CELF1: variants seen among roughly 807,000 people sequenced by gnomAD.
CELF1 encodes 50 kDa nuclear polyadenylated RNA-binding protein.
CELF1 carries 10 observed loss-of-function variants against 61.8 expected under a neutral mutation model. The observed-to-expected ratio is 0.16, with a 90% CI of 0.10 to 0.27. The LOEUF (loss-of-function observed/expected upper bound fraction) is 0.27, where lower values mean the gene tolerates loss of function less well. Ranked by LOEUF, CELF1 falls within the 10% of genes least tolerant of loss-of-function variation. The pLI, the probability that CELF1 is intolerant of heterozygous loss-of-function variation, is 1.00. For synonymous variants in CELF1, 236 were observed against 225.1 expected (o/e 1.05, Z -0.43); for missense variants, 380 against 639.1 (o/e 0.59, Z 4.37).
Position 47,513,111 on chromosome 11 carries a change from A to G in CELF1, c.-153-12179T>C, listed in dbSNP as rs144748249. On this transcript the variant is annotated intron_variant, in intron 1 of 14. Coordinates refer to ENST00000687097, the MANE Select transcript of CELF1 (RefSeq NM_001376376.1). ...GACTAACACTAGGTCATCTAAAACT[A>G]TAATTGTATTTTCTCTAAACAAGTT... Among the ~76,000 whole-genome samples, 102 of 152,346 alleles carry G rather than the reference A, an allele frequency of 6.7e-4. 1 individual carries two copies. The highest frequency in any genetic ancestry group is 2.4e-3 in the African/African-American group (98 of 41,572).
intron 3 of CELF1, among the ~76,000 whole-genome samples, chr11:47,499,063 A>G (rs967709606): frequency 6.6e-6 from 1 of 152,196 alleles, no homozygotes; most frequent in Admixed American, 6.5e-5. Context: ...CAGTAATTTA[A>G]AATAATAAAA....
chr11:47,473,295 G>T, intron 13 of CELF1, 64 bp from the exon 14 acceptor site: 1 of 1,455,980 alleles, frequency 6.9e-7, no homozygotes, highest in East Asian at 2.3e-5. Flanking sequence ...CTGCACCAGT[G>T]ATCTTTCATT....
chr11:47,501,669 A>C (rs1046524834), intron 1 of CELF1, among the ~76,000 whole-genome samples: 16 of 152,036 alleles, frequency 1.1e-4, no homozygotes, highest in African/African-American at 3.9e-4. Context: ...TATCAAAAAA[A>C]AAAATTAGCT....
intron 1 of CELF1, among the ~76,000 whole-genome samples, chr11:47,526,070 C>G (rs1286729751): frequency 2.0e-5 from 3 of 151,836 alleles, no homozygotes; most frequent in African/African-American, 7.3e-5. Context: ...TAGCTCACGT[C>G]TGTAATCCCA....
At chr11:47,499,765 A>C in intron 2 of CELF1, 161 bp from the exon 3 acceptor site, 1 of 497,716 alleles carries the variant, frequency 2.0e-6, no homozygotes, top group South Asian at 2.6e-5. Flanking sequence ...GCACACAATG[A>C]AAGTGCTGAT....
chr11:47,517,535 C>A (rs555830437), intron 1 of CELF1, among the ~76,000 whole-genome samples: 5 of 152,256 alleles, frequency 3.3e-5, no homozygotes, highest in African/African-American at 1.2e-4. Context: ...AGGAATTACA[C>A]ATGGCTTGTA....
chr11:47,538,256 G>A (rs1352059106), intron 1 of CELF1, among the ~76,000 whole-genome samples: 2 of 152,108 alleles, frequency 1.3e-5, no homozygotes, highest in African/African-American at 4.8e-5. Context: ...TTTGATCTCT[G>A]ATATCAAATA....
At chr11:47,529,584 A>T (rs908257518) in intron 1 of CELF1, among the ~76,000 whole-genome samples, 29 of 151,888 alleles carry the variant, frequency 1.9e-4, no homozygotes, top group Non-Finnish European at 3.2e-4. Flanking sequence ...ATTTGAACCC[A>T]GGAAGTGGAG....
intron 2 of CELF1, among the ~76,000 whole-genome samples, chr11:47,558,193 G>A (rs996139862): frequency 1.3e-5 from 2 of 151,808 alleles, no homozygotes; most frequent in East Asian, 3.9e-4. Context: ...ACATTCAGGC[G>A]GTGCTGCGAG....
At chr11:47,494,528 G>A (rs1295178659) in intron 3 of CELF1, 14 of 975,856 alleles carry the variant, frequency 1.4e-5, no homozygotes, top group Non-Finnish European at 1.3e-5. Context: ...GTATGTATTT[G>A]TTCAAAATTC....
intron 1 of CELF1, among the ~76,000 whole-genome samples, chr11:47,543,381 G>A (rs1237120604): frequency 1.3e-5 from 2 of 152,144 alleles, no homozygotes; most frequent in African/African-American, 2.4e-5. Context: ...TCCAGCCTGA[G>A]TGACACAATG....
intron 1 of CELF1, among the ~76,000 whole-genome samples, 179 bp downstream of exon 1, chr11:47,552,813 C>T (rs556318513): frequency 1.7e-4 from 26 of 152,266 alleles, no homozygotes; most frequent in African/African-American, 5.8e-4. Flanking sequence ...CCGGGGACCC[C>T]GACATGCAGG....
intron 9 of CELF1, 109 bp downstream of exon 9, chr11:47,482,586 C>A: frequency 9.6e-7 from 1 of 1,038,714 alleles, no homozygotes. Context: ...CATATAATTT[C>A]TATATGCCAA....
At chr11:47,528,249 C>T (rs1369989655) in intron 1 of CELF1, among the ~76,000 whole-genome samples, 1 of 152,044 alleles carries the variant, frequency 6.6e-6, no homozygotes, top group Non-Finnish European at 1.5e-5. Flanking sequence ...CCCTTATTTC[C>T]TCAAGAGAAA....
Position 47,469,260 on chromosome 11 carries a change from G to C in CELF1, c.*2970C>G, listed in dbSNP as rs1040456092. ...GAAGCAGAAGATGCTGGCTGGGGTG[G>C]GGAAAATTTTTCAGGGAAGAGGACC... On this transcript the variant is annotated 3_prime_UTR_variant, in exon 15 of 15. Transcript: ENST00000687097. 6.6e-6 allele frequency: 1 copy of C among 152,222 alleles called. No homozygotes were observed. Among genetic ancestry groups the C allele is most frequent in the African/African-American group, 2.4e-5 (1 of 41,434 alleles). The allele number at this position is 152,222 out of a possible 1,614,324, so 9.4% of individuals were successfully genotyped here. A position where few individuals can be genotyped will look rare whatever the true frequency, so the allele number is the denominator to read the frequency against.
chr11:47,539,210 A>G (rs2096713128), intron 1 of CELF1, among the ~76,000 whole-genome samples: 1 of 152,198 alleles, frequency 6.6e-6, no homozygotes, highest in African/African-American at 2.4e-5. Flanking sequence ...TTAAAAACAA[A>G]TAATTATAAA....
At chr11:47,476,102 C>T (rs2080007016) in intron 12 of CELF1, among the ~76,000 whole-genome samples, 1 of 151,622 alleles carries the variant, frequency 6.6e-6, no homozygotes, top group Admixed American at 6.6e-5. Context: ...CAGGCTCAAG[C>T]AATCCTCCCG....
intron 6 of CELF1, among the ~76,000 whole-genome samples, chr11:47,485,647 T>C (rs966163502): frequency 4.0e-5 from 6 of 151,588 alleles, no homozygotes; most frequent in African/African-American, 1.4e-4. Flanking sequence ...AGTGGCACGA[T>C]CTCAGCATAC....
In CELF1 at chr11:47,512,452, ATT is replaced by A. The variant is rs35542082; in HGVS notation, c.-153-11522_-153-11521del. Among the ~76,000 whole-genome samples the A allele has an allele frequency of 1.6e-3, 186 of 112,776 alleles. 1 individual carries two copies. Among genetic ancestry groups the A allele is most frequent in the East Asian group, 3.6e-3 (14 of 3,840 alleles). 74.0% of individuals were successfully genotyped at this position (112,776 alleles called of 152,430 possible). A position where few individuals can be genotyped will look rare whatever the true frequency, so the allele number is the denominator to read the frequency against. On this transcript the variant is annotated intron_variant, in intron 1 of 14. Coordinates refer to ENST00000687097, the MANE Select transcript of CELF1 (RefSeq NM_001376376.1). Reference sequence around the variant, plus strand: ...ACAGGCATGAGCCACCGTGCCCAGAATTTTTTTTTTTTTTTTTTTTTTAGAGA... The same window carrying A: ...ACAGGCATGAGCCACCGTGCCCAGAATTTTTTTTTTTTTTTTTTTTAGAGA...
Sources: gnomAD v4.1 joint callset for allele counts (sites outside exome capture counted in the v4.1 genomes callset) on GRCh38, gnomAD v4.1.1 for gene constraint, MANE v1.5 for transcripts, NCBI Gene and HGNC (gene_info 2026-07-23, HGNC 2026-07-21) for gene names.